The following PLCB1 variants were observed in gnomAD, a reference collection of about 807,000 sequenced individuals.
The protein encoded by PLCB1 is 1-phosphatidylinositol 4,5-bisphosphate phosphodiesterase beta-1.
In PLCB1, 46 loss-of-function variants were observed where a neutral mutation model predicts 161.8. That is an observed-to-expected ratio of 0.28 (90% CI 0.22 to 0.36). PLCB1 has a LOEUF of 0.36. Among genes scored for constraint, PLCB1 ranks in the 10% least tolerant of loss-of-function variants. PLCB1 has a pLI of 1.00. For missense variants in PLCB1, 1,016 were observed against 1,472.5 expected (o/e 0.69, Z 5.07); for synonymous variants, 517 against 503.7 (o/e 1.03, Z -0.35).
chr20:8,739,758 C>T (rs1980776272), intron 21 of PLCB1, among the ~76,000 whole-genome samples: 1 of 152,182 alleles, frequency 6.6e-6, no homozygotes, highest in African/African-American at 2.4e-5. Flanking sequence ...ACAATATGGA[C>T]TTCTCTTGGC....
chr20:8,865,502 T>C (rs1187046292), intron 31 of PLCB1, among the ~76,000 whole-genome samples: 1 of 152,222 alleles, frequency 6.6e-6, no homozygotes, highest in Admixed American at 6.5e-5. Context: ...GTTAGCATAA[T>C]ACTGGCTGCT....
intron 23 of PLCB1, among the ~76,000 whole-genome samples, chr20:8,752,730 T>C (rs1313728299): frequency 6.6e-6 from 1 of 150,908 alleles, no homozygotes. Flanking sequence ...GAGGTGGAGG[T>C]TGCAATGAGC....
At chr20:8,733,094 T>C in intron 18 of PLCB1, 144 bp from the exon 19 acceptor site, 1 of 800,252 alleles carries the variant, frequency 1.2e-6, no homozygotes, top group Non-Finnish European at 2.0e-6. Flanking sequence ...TTTTCTTATC[T>C]GTGTTTCCTG....
chr20:8,310,984 C>A (rs912181991), intron 2 of PLCB1, among the ~76,000 whole-genome samples: 3 of 152,208 alleles, frequency 2.0e-5, no homozygotes, highest in African/African-American at 7.2e-5. Context: ...CATGTCTTTT[C>A]TGTTGTGATT....
intron 2 of PLCB1, among the ~76,000 whole-genome samples, chr20:8,226,951 TG>T (rs1403761173): frequency 2.0e-5 from 3 of 152,172 alleles, no homozygotes; most frequent in Non-Finnish European, 4.4e-5. Flanking sequence ...CCTCCCAAAG[TG>T]CTGGGATTAC....
chr20:8,348,634 G>A (rs1276125115), intron 2 of PLCB1, among the ~76,000 whole-genome samples: 1 of 152,124 alleles, frequency 6.6e-6, no homozygotes, highest in Non-Finnish European at 1.5e-5. Context: ...CTAATGGCCT[G>A]GTCTCCTACC....
intron 2 of PLCB1, among the ~76,000 whole-genome samples, chr20:8,250,088 A>G (rs1435300744): frequency 3.9e-5 from 6 of 151,974 alleles, no homozygotes; most frequent in African/African-American, 1.4e-4. Context: ...GAGAATGAGT[A>G]CATTTTCCCT....
chr20:8,777,443 G>T (rs2146207017), intron 27 of PLCB1, among the ~76,000 whole-genome samples: 1 of 152,114 alleles, frequency 6.6e-6, no homozygotes, highest in African/African-American at 2.4e-5. Flanking sequence ...TCCCAGCTGG[G>T]TGCGGTGGCT....
intron 2 of PLCB1, among the ~76,000 whole-genome samples, chr20:8,243,431 G>A (rs1216585257): frequency 2.6e-5 from 4 of 151,922 alleles, no homozygotes; most frequent in Admixed American, 1.3e-4. Flanking sequence ...TTGTATTTTG[G>A]CCAAACCATG....
At chr20:8,579,821 G>C (rs1433044291) in intron 3 of PLCB1, among the ~76,000 whole-genome samples, 1 of 152,140 alleles carries the variant, frequency 6.6e-6, no homozygotes, top group Non-Finnish European at 1.5e-5. Context: ...CGTGCCACAG[G>C]GGCCCACATA....
intron 2 of PLCB1, among the ~76,000 whole-genome samples, chr20:8,347,949 G>A (rs1358303181): frequency 6.6e-6 from 1 of 151,770 alleles, no homozygotes; most frequent in Non-Finnish European, 1.5e-5. Context: ...TCCAGCCTGG[G>A]TGACAGAGCG....
At chr20:8,566,012 T>A (rs958517965) in intron 3 of PLCB1, among the ~76,000 whole-genome samples, 5 of 152,170 alleles carry the variant, frequency 3.3e-5, no homozygotes, top group Non-Finnish European at 7.4e-5. Flanking sequence ...TCATTATATA[T>A]TAAAAAAATC....
At chr20:8,141,701 G>C (rs1448514776) in intron 1 of PLCB1, among the ~76,000 whole-genome samples, 1 of 151,998 alleles carries the variant, frequency 6.6e-6, no homozygotes, top group African/African-American at 2.4e-5. Context: ...CAGTCAGCGT[G>C]GAAACATGCA....
intron 3 of PLCB1, among the ~76,000 whole-genome samples, chr20:8,431,332 C>T (rs567800160): frequency 1.6e-4 from 24 of 152,298 alleles, no homozygotes; most frequent in South Asian, 1.0e-3. Flanking sequence ...AGCCAAGTTA[C>T]ACTGTAAGGC....
intron 3 of PLCB1, among the ~76,000 whole-genome samples, chr20:8,385,805 C>G (rs1568656688): frequency 6.6e-6 from 1 of 152,256 alleles, no homozygotes; most frequent in East Asian, 1.9e-4. Flanking sequence ...CCACACCACA[C>G]TGCTCTTCCT....
intron 2 of PLCB1, among the ~76,000 whole-genome samples, chr20:8,235,280 A>G (rs1439996891): frequency 6.6e-6 from 1 of 152,168 alleles, no homozygotes; most frequent in Non-Finnish European, 1.5e-5. Context: ...CATGTTGCAG[A>G]ATTATTCTAC....
chr20:8,769,310 T>A (rs1031153870), intron 26 of PLCB1, among the ~76,000 whole-genome samples: 7 of 151,870 alleles, frequency 4.6e-5, no homozygotes, highest in South Asian at 4.2e-4. Context: ...TTTGTGGTTT[T>A]AAAAAAAAGT....
chr20:8,774,049 C>T (rs6056095), intron 26 of PLCB1, among the ~76,000 whole-genome samples: 38,057 of 149,826 alleles, frequency 0.25, 5,284 homozygotes, highest in Non-Finnish European at 0.32. Flanking sequence ...GGCATCTACA[C>T]GTGCTCTCTG....
At chr20:8,450,037 A>G (rs958045162) in intron 3 of PLCB1, among the ~76,000 whole-genome samples, 12 of 152,322 alleles carry the variant, frequency 7.9e-5, no homozygotes, top group Admixed American at 5.9e-4. Context: ...TTGGAATTCA[A>G]TTATTCAATA....
Sources: allele counts gnomAD v4.1 joint callset (sites outside exome capture counted in the v4.1 genomes callset), GRCh38; gene constraint gnomAD v4.1.1; transcripts MANE v1.5; gene names NCBI Gene and HGNC (gene_info 2026-07-23, HGNC 2026-07-21).